The following ERICH1 variants were observed in gnomAD, a reference collection of about 807,000 sequenced individuals.
The protein encoded by ERICH1 is glutamate-rich protein 1.
A neutral mutation model predicts 39.6 loss-of-function variants in ERICH1; 56 were observed. The observed-to-expected ratio is 1.41, with a 90% CI of 1.14 to 1.77. The LOEUF (loss-of-function observed/expected upper bound fraction) is 1.77, where lower values mean the gene tolerates loss of function less well. Ranked by LOEUF, ERICH1 falls within the 40% of genes most tolerant of loss-of-function variation. The pLI, the probability that ERICH1 is intolerant of heterozygous loss-of-function variation, is 0.00. For synonymous variants in ERICH1, 313 were observed against 223.6 expected, an observed-to-expected ratio of 1.40 and a Z score of -3.57; for missense variants, 826 against 575.4, an observed-to-expected ratio of 1.44 and a Z score of -4.45.
rs542396286 is a variant in ERICH1, at chr8:709,547, C to G, written c.169+6314G>C. On this transcript the variant is annotated intron_variant, in intron 2 of 5. Transcript: ENST00000262109. ...AATCTTTTACCCTTTGAGACTAGGT[C>G]AACTCACATCAGTATTTTGACTTTT... Among the ~76,000 whole-genome samples, 94 of 152,344 alleles carry G rather than the reference C, an allele frequency of 6.2e-4. 1 individual carries two copies. The highest frequency in any genetic ancestry group is 2.2e-3 in the African/African-American group (91 of 41,568).
intron 3 of ERICH1, chr8:637,636 C>T (rs1798544784): frequency 6.6e-6 from 1 of 152,326 alleles, no homozygotes; most frequent in African/African-American, 2.4e-5. Context: ...GTGTGGGGTG[C>T]TCAGCTGTGA....
intron 3 of ERICH1, among the ~76,000 whole-genome samples, chr8:682,126 G>C (rs1348628740): frequency 1.3e-5 from 2 of 151,638 alleles, no homozygotes; most frequent in African/African-American, 4.9e-5. Flanking sequence ...ACCCCATTGT[G>C]GTGGTCCCTG....
chr8:716,940 C>T (rs945095843), intron 1 of ERICH1, among the ~76,000 whole-genome samples: 13 of 152,200 alleles, frequency 8.5e-5, no homozygotes, highest in Non-Finnish European at 1.8e-4. Flanking sequence ...GGGACAAACA[C>T]GTGATAGAAA....
chr8:646,619 C>G (rs1799494251), intron 3 of ERICH1, among the ~76,000 whole-genome samples: 1 of 68,912 alleles, frequency 1.5e-5, no homozygotes, highest in Admixed American at 1.3e-4. Flanking sequence ...CGAGCCCCTT[C>G]CGCGAGGCTG....
intron 2 of ERICH1, among the ~76,000 whole-genome samples, chr8:708,681 G>GTTTTTTTTTTTGT (rs1813915702): frequency 1.5e-5 from 1 of 65,816 alleles, no homozygotes; most frequent in Non-Finnish European, 3.0e-5. Flanking sequence ...GGGATAATGA[G>GTTTTTTTTTTTGT]TTTTTTTTTT....
chr8:615,624 T>C (rs1796865048), intron 3 of ERICH1: 1 of 207,682 alleles, frequency 4.8e-6, no homozygotes, highest in South Asian at 1.6e-4. Context: ...GGGAGGCGTG[T>C]CTGACCCTTC....
At chr8:702,395 T>G (rs2132215512) in intron 2 of ERICH1, among the ~76,000 whole-genome samples, 1 of 152,274 alleles carries the variant, frequency 6.6e-6, no homozygotes, top group South Asian at 2.1e-4. Flanking sequence ...GCTGGGAATC[T>G]GTCCCTACGT....
intron 3 of ERICH1, among the ~76,000 whole-genome samples, chr8:622,956 C>CAATAAATATATA (rs1797375360): frequency 1.4e-5 from 2 of 143,866 alleles, no homozygotes; most frequent in African/African-American, 5.2e-5. Context: ...GATCCGCTCT[C>CAATAAATATATA]AATAAATAAA....
At chr8:653,275 C>T (rs1426230022) in intron 3 of ERICH1, among the ~76,000 whole-genome samples, 1 of 152,232 alleles carries the variant, frequency 6.6e-6, no homozygotes, top group Non-Finnish European at 1.5e-5. Context: ...AGAAGAATGC[C>T]AGGACGTCTA....
At chr8:699,044 C>T (rs1042161762) in intron 2 of ERICH1, among the ~76,000 whole-genome samples, 2 of 151,894 alleles carry the variant, frequency 1.3e-5, no homozygotes, top group African/African-American at 2.4e-5. Context: ...AGCTCAGGGC[C>T]GTGGGTGCCA....
rs1404490186 is a variant in ERICH1, at chr8:683,809, C to A, written c.304+8669G>T. ...TTGGTTTTCCTCTGGATGTGATCTG[C>A]CGCTAAGCTAAACGTCTGCCTTCTG... On this transcript the variant is annotated intron_variant, in intron 3 of 5. Coordinates refer to ENST00000262109, the MANE Select transcript of ERICH1 (RefSeq NM_207332.3). Among the ~76,000 whole-genome samples, 24 of 152,222 alleles carry A rather than the reference C, an allele frequency of 1.6e-4. 1 individual carries two copies. Among genetic ancestry groups the A allele is most frequent in the Admixed American group, 1.5e-3 (23 of 15,278 alleles).
chr8:662,301 G>A (rs1301827422), downstream of ERICH1, among the ~76,000 whole-genome samples: 1 of 152,248 alleles, frequency 6.6e-6, no homozygotes, highest in Admixed American at 6.5e-5. Flanking sequence ...GTAAAATTAT[G>A]AGTCTGCCAA....
At chr8:682,723 A>G (rs960232765) in intron 3 of ERICH1, among the ~76,000 whole-genome samples, 5 of 152,394 alleles carry the variant, frequency 3.3e-5, no homozygotes, top group African/African-American at 1.2e-4. Context: ...TGACACCTAC[A>G]TTCTGATGAA....
intron 1 of ERICH1, among the ~76,000 whole-genome samples, chr8:723,308 G>A (rs1015362472): frequency 3.9e-5 from 6 of 152,170 alleles, no homozygotes; most frequent in African/African-American, 9.7e-5. Flanking sequence ...CCCGGCCTCC[G>A]ACATTCCTTT....
chr8:718,773 G>A (rs117701732), intron 1 of ERICH1, among the ~76,000 whole-genome samples: 10 of 152,332 alleles, frequency 6.6e-5, no homozygotes, highest in African/African-American at 1.7e-4. Context: ...AGGGACCACA[G>A]AACCCCAAGG....
chr8:650,497 G>A (rs938315581), intron 3 of ERICH1, among the ~76,000 whole-genome samples: 1 of 152,160 alleles, frequency 6.6e-6, no homozygotes, highest in African/African-American at 2.4e-5. Flanking sequence ...ACGTGAGGAC[G>A]AAATGGGCTT....
chr8:632,499 T>C (rs370619881), intron 3 of ERICH1, among the ~76,000 whole-genome samples: 1 of 152,248 alleles, frequency 6.6e-6, no homozygotes, highest in East Asian at 1.9e-4. Flanking sequence ...CTCATCTTTA[T>C]AAGAACAAAT....
intron 2 of ERICH1, among the ~76,000 whole-genome samples, chr8:711,876 G>A (rs934968738): frequency 2.6e-5 from 4 of 152,168 alleles, no homozygotes; most frequent in African/African-American, 9.7e-5. Flanking sequence ...ATGTCTAGTT[G>A]TGCCAGCCCC....
At chr8:659,868 G>A (rs1451399818), downstream of ERICH1, among the ~76,000 whole-genome samples, 2 of 78,642 alleles carry the variant, frequency 2.5e-5, no homozygotes. Context: ...GAGATCTCCA[G>A]TGTGCACTGA....
Sources: allele counts gnomAD v4.1 joint callset (sites outside exome capture counted in the v4.1 genomes callset), GRCh38; gene constraint gnomAD v4.1.1; transcripts MANE v1.5; gene names NCBI Gene and HGNC (gene_info 2026-07-23, HGNC 2026-07-21).